PTGFRN: variants seen among roughly 807,000 people sequenced by gnomAD.
PTGFRN encodes the protein prostaglandin F2 receptor negative regulator.
A neutral mutation model predicts 83.2 loss-of-function variants in PTGFRN; 35 were observed. The observed-to-expected ratio is 0.42, with a 90% CI of 0.32 to 0.56. PTGFRN has a LOEUF of 0.56. Ranked by LOEUF, PTGFRN falls within the 20% of genes least tolerant of loss-of-function variation. The pLI, the probability that PTGFRN is intolerant of heterozygous loss-of-function variation, is 0.11. For synonymous variants in PTGFRN, 519 were observed against 498.6 expected (o/e 1.04, Z -0.55); for missense variants, 1,051 against 1,179.5 (o/e 0.89, Z 1.60).
rs1320648192 is a variant in PTGFRN, at chr1:116,967,293, T to C, written c.2022T>C (p.Ser674=). The change falls in exon 6 of 9, where the codon AGT becomes AGC. Residue 674 remains serine (S), a synonymous_variant. Coordinates refer to ENST00000393203, the MANE Select transcript of PTGFRN (RefSeq NM_020440.4). ...GCCTTTGGCGAGAAGCAGCAACCAG[T>C]CTCTCCAATCCTATTGAGATAGACT... ...RGSLWREAAT[S]LSNPIEIDFQ... The C allele has an allele frequency of 1.2e-6, 2 of 1,614,062 alleles. No individual in the cohort carries two copies. Among genetic ancestry groups the C allele is most frequent in the East Asian group, 2.2e-5 (1 of 44,872 alleles).
chr1:116,922,450 C>A (rs1649559700), intron 1 of PTGFRN, among the ~76,000 whole-genome samples: 1 of 152,116 alleles, frequency 6.6e-6, no homozygotes, highest in African/African-American at 2.4e-5. Flanking sequence ...ACCATTTATC[C>A]CACAAACAAG....
chr1:116,984,119 G>A (rs554714766), intron 7 of PTGFRN, among the ~76,000 whole-genome samples: 2 of 152,192 alleles, frequency 1.3e-5, no homozygotes, highest in East Asian at 3.9e-4. Flanking sequence ...AAGCACTTCT[G>A]CAAGGAAAGA....
At chr1:116,916,084 C>T (rs1217752156) in intron 1 of PTGFRN, among the ~76,000 whole-genome samples, 1 of 152,160 alleles carries the variant, frequency 6.6e-6, no homozygotes, top group Non-Finnish European at 1.5e-5. Context: ...TGGCTCTGTG[C>T]ATTCGCTTGT....
intron 1 of PTGFRN, among the ~76,000 whole-genome samples, chr1:116,930,259 C>G (rs1649759916): frequency 6.6e-6 from 1 of 152,198 alleles, no homozygotes; most frequent in South Asian, 2.1e-4. Flanking sequence ...GGGCATAAGC[C>G]TTTCCTGGTT....
At chr1:116,939,677 T>C (rs879422141) in intron 1 of PTGFRN, among the ~76,000 whole-genome samples, 2 of 152,250 alleles carry the variant, frequency 1.3e-5, no homozygotes, top group Admixed American at 6.5e-5. Context: ...TGCAGCCGGC[T>C]TGAATTTCTT....
rs1261042544 is a variant in PTGFRN at position 116,958,843 on chromosome 1, G to A, written c.1214-2400G>A. ...TCACAGTTTGCTGTTCAGGGTTATG[G>A]TTCTCCAGTCCCCACACAGTCTCAT... On this transcript the variant is annotated intron_variant, in intron 4 of 8. Coordinates refer to ENST00000393203, the MANE Select transcript of PTGFRN (RefSeq NM_020440.4). This position sits in a 1 kb window ranked among gnomAD's most constrained non-coding sequence, Gnocchi z 4.9. Among the ~76,000 whole-genome samples, 1 of 152,116 alleles carries A rather than the reference G, an allele frequency of 6.6e-6. No homozygotes were observed. Among genetic ancestry groups the A allele is most frequent in the Non-Finnish European group, 1.5e-5 (1 of 68,018 alleles).
At chr1:116,938,588 G>A (rs1043280872) in intron 1 of PTGFRN, among the ~76,000 whole-genome samples, 1 of 152,128 alleles carries the variant, frequency 6.6e-6, no homozygotes, top group African/African-American at 2.4e-5. Context: ...CCCACAACAT[G>A]TGGGAATTAA....
At chr1:116,946,590 A>G (rs1424952985) in intron 3 of PTGFRN, among the ~76,000 whole-genome samples, 1 of 152,200 alleles carries the variant, frequency 6.6e-6, no homozygotes, top group Non-Finnish European at 1.5e-5. Context: ...TGAGACCTAT[A>G]ATATCTAGCT....
chr1:116,963,475 C>G (rs1436627563), intron 5 of PTGFRN, among the ~76,000 whole-genome samples: 1 of 152,212 alleles, frequency 6.6e-6, no homozygotes, highest in Non-Finnish European at 1.5e-5. Context: ...TGGCTGCTCT[C>G]TCTTATGTCT....
At chr1:116,984,393 T>C (rs1651402652) in intron 7 of PTGFRN, among the ~76,000 whole-genome samples, 2 of 152,134 alleles carry the variant, frequency 1.3e-5, no homozygotes, top group South Asian at 4.2e-4. Flanking sequence ...GTGGCAGCAG[T>C]GCAGTGGTTA....
chr1:116,914,771 A>C (rs1056748223), intron 1 of PTGFRN, among the ~76,000 whole-genome samples: 17 of 151,822 alleles, frequency 1.1e-4, no homozygotes, highest in Non-Finnish European at 2.2e-4. Context: ...AAAAAGGAAA[A>C]AAATGTGTCC....
intron 7 of PTGFRN, among the ~76,000 whole-genome samples, chr1:116,975,021 C>T (rs951549831): frequency 6.6e-6 from 1 of 152,320 alleles, no homozygotes; most frequent in Admixed American, 6.5e-5. Context: ...GGGTCACTCC[C>T]ACCCTAATAC....
Position 116,944,839 on chromosome 1 carries a change from G to T in PTGFRN, c.579G>T (p.Arg193Ser). The T allele has an allele frequency of 6.3e-7, 1 of 1,589,308 alleles. No homozygotes were observed. The highest frequency in any genetic ancestry group is 8.5e-7 in the Non-Finnish European group (1 of 1,170,288). ...GGGAGGTGCACCGCGGCCCGGCCAG[G>T]CGGAGCGTCCTCGCCCTGACCCACG... is the stretch of plus-strand genomic sequence containing the variant. ...LLWEVHRGPA[R>S]RSVLALTHEG... The change falls in exon 3 of 9, where the codon AGG (arginine) becomes AGT (serine). Residue 193 changes from arginine (R) to serine (S), a missense_variant. Transcript: ENST00000393203.
intron 1 of PTGFRN, among the ~76,000 whole-genome samples, chr1:116,924,724 A>T (rs981814508): frequency 6.6e-6 from 1 of 152,190 alleles, no homozygotes; most frequent in Non-Finnish European, 1.5e-5. Flanking sequence ...TCACTGATGA[A>T]GGGCTGTTTC....
chr1:116,980,209 G>A (rs988295578), intron 7 of PTGFRN, among the ~76,000 whole-genome samples: 9 of 151,936 alleles, frequency 5.9e-5, no homozygotes, highest in African/African-American at 1.9e-4. Flanking sequence ...AAAAGTCAGG[G>A]AACAACAGGT....
rs1650076166 is a variant in PTGFRN at position 116,941,996 on chromosome 1, C to G, written c.331C>G (p.Pro111Ala). The change falls in exon 2 of 9, where the codon CCT becomes GCT. Residue 111 changes from proline to alanine, a missense_variant. Pro to Ala is a conservative substitution (Grantham distance 27, BLOSUM62 -1). Around this residue, in one of 3 missense-constraint regions of PTGFRN, gnomAD observed 127 missense variants for 168.4 expected, o/e 0.75. Transcript: ENST00000393203. The surrounding 1 kb of genome is among the most constrained non-coding windows in gnomAD (Gnocchi z 5.0). Reference sequence around the variant, plus strand: ...GGAGCTCCACATAAAGAACGTCCAGCCTTCAGACCAAGGCCACTACAAATG... The same window carrying G: ...GGAGCTCCACATAAAGAACGTCCAGGCTTCAGACCAAGGCCACTACAAATG... ...AVELHIKNVQ[P>A]SDQGHYKCST... is the part of the protein sequence containing the mutation. 1.9e-6 allele frequency: 3 copies of G among 1,614,096 alleles called. No individual in the cohort carries two copies. The highest frequency in any genetic ancestry group is 1.7e-6 in the Non-Finnish European group (2 of 1,180,050).
At position 116,987,576 on chromosome 1, in the gene PTGFRN, T is replaced by G. The variant is rs1229486780; in HGVS notation, c.*609T>G. Reference sequence around the variant, plus strand: ...CTTCTTATTGAGCCCAACTGCTTTTTTTTTTTTTTTTTTTGCTTCTCTGCC... The same window carrying G: ...CTTCTTATTGAGCCCAACTGCTTTTGTTTTTTTTTTTTTTGCTTCTCTGCC... On this transcript the variant is annotated 3_prime_UTR_variant, in exon 9 of 9. Coordinates refer to ENST00000393203, the MANE Select transcript of PTGFRN (RefSeq NM_020440.4). 1 of 151,362 alleles carries G rather than the reference T, an allele frequency of 6.6e-6. No homozygotes were observed. The highest frequency in any genetic ancestry group is 6.6e-5 in the Admixed American group (1 of 15,142). The allele number at this position is 151,362 out of a possible 1,614,324, so 9.4% of individuals were successfully genotyped here.
intron 7 of PTGFRN, among the ~76,000 whole-genome samples, chr1:116,983,906 A>G (rs896726444): frequency 2.6e-5 from 4 of 152,240 alleles, no homozygotes; most frequent in Admixed American, 2.0e-4. Context: ...TCAAGGGCTT[A>G]TGATGTGTGC....
rs769618836 is a variant in PTGFRN, at chr1:116,984,676, G to A, written c.2168-4G>A. 2.9e-5 allele frequency: 46 copies of A among 1,612,270 alleles called. No individual in the cohort carries two copies. Among genetic ancestry groups the A allele is most frequent in the Middle Eastern group, 3.3e-4 (2 of 6,008 alleles). On this transcript the variant is annotated splice_polypyrimidine_tract_variant and splice_region_variant and intron_variant, in intron 7 of 8. Coordinates refer to ENST00000393203, the MANE Select transcript of PTGFRN (RefSeq NM_020440.4). The stretch of plus-strand genomic sequence containing the variant: ...CCCCAGGGTTTTGGCTTGGTAATCC[G>A]TAGATGACATGGCCTTTGATGTGTC...
Sources: allele counts gnomAD v4.1 joint callset (sites outside exome capture counted in the v4.1 genomes callset), GRCh38; gene constraint gnomAD v4.1.1; regional missense constraint gnomAD v4.1.1; non-coding constraint Gnocchi (gnomAD v3.1); transcripts MANE v1.5; gene names NCBI Gene and HGNC (gene_info 2026-07-23, HGNC 2026-07-21).